Variants in JCAD observed in about 807,000 individuals in gnomAD.
JCAD encodes junctional cadherin 5 associated.
Under a neutral mutation model 98.0 loss-of-function variants are expected in JCAD, and 40 were observed. The ratio of observed to expected loss-of-function variants is 0.41; its 90% confidence interval spans 0.32 to 0.53. JCAD has a LOEUF of 0.53. Ranked by LOEUF, JCAD falls within the 20% of genes least tolerant of loss-of-function variation. The pLI, the probability that JCAD is intolerant of heterozygous loss-of-function variation, is 0.31. For missense variants in JCAD, 1,705 were observed against 1,738.1 expected (o/e 0.98, Z 0.34); for synonymous variants, 691 against 682.3 (o/e 1.01, Z -0.20).
rs1837651944 is a variant in JCAD, at chr10:30,059,267, C to G, written c.-60+215G>C. ...CCGGGCTGGCAGGCGCCCTCCACCC[C>G]GAGGCTGCCGGGCTAGGCACCGCGC... On this transcript the variant is annotated intron_variant, in intron 1 of 3. Transcript: ENST00000375377. This position sits in a 1 kb window ranked among gnomAD's most constrained non-coding sequence, Gnocchi z 5.0. 6.6e-6 allele frequency among the ~76,000 whole-genome samples: 1 copy of G among 151,466 alleles called. No homozygotes were observed. Among genetic ancestry groups the G allele is most frequent in the African/African-American group, 2.4e-5 (1 of 41,456 alleles).
At chr10:30,109,860 G>A (rs543319696) in intron 1 of JCAD, among the ~76,000 whole-genome samples, 1 of 150,296 alleles carries the variant, frequency 6.7e-6, no homozygotes, top group Non-Finnish European at 1.5e-5. Context: ...GGACCCCCTG[G>A]TTTATGAACT....
At chr10:30,094,513 T>G (rs1354430060) in intron 1 of JCAD, among the ~76,000 whole-genome samples, 1 of 152,078 alleles carries the variant, frequency 6.6e-6, no homozygotes, top group Non-Finnish European at 1.5e-5. Flanking sequence ...AGGGCTGTTA[T>G]GAAATATGGG....
chr10:30,078,739 T>G (rs1838023559), intron 1 of JCAD, among the ~76,000 whole-genome samples: 3 of 152,220 alleles, frequency 2.0e-5, no homozygotes, highest in Admixed American at 2.0e-4. Context: ...TTTTTAGAAG[T>G]AGATGTATCT....
At chr10:30,056,122 T>C (rs1837566247) in intron 1 of JCAD, among the ~76,000 whole-genome samples, 1 of 152,204 alleles carries the variant, frequency 6.6e-6, no homozygotes, top group Admixed American at 6.5e-5. Flanking sequence ...TTTTGGAATT[T>C]TTGGCTATTT....
intron 1 of JCAD, among the ~76,000 whole-genome samples, chr10:30,058,846 C>A (rs1029118770): frequency 6.6e-6 from 1 of 152,198 alleles, no homozygotes; most frequent in African/African-American, 2.4e-5. Flanking sequence ...CCGGGCGGCC[C>A]CGGGCACTCG....
chr10:30,073,931 T>C (rs1216354730), intron 1 of JCAD, among the ~76,000 whole-genome samples: 5 of 152,160 alleles, frequency 3.3e-5, no homozygotes, highest in Non-Finnish European at 7.3e-5. Context: ...GACTGCGAGA[T>C]AACACTTTAA....
chr10:30,043,910 T>C (rs1160736104), intron 2 of JCAD, among the ~76,000 whole-genome samples: 1 of 152,244 alleles, frequency 6.6e-6, no homozygotes, highest in Non-Finnish European at 1.5e-5. Flanking sequence ...TTGTGTTGGC[T>C]ATGGTTTAAA....
At chr10:30,055,833 AG>A (rs1282317073) in intron 1 of JCAD, among the ~76,000 whole-genome samples, 1 of 152,230 alleles carries the variant, frequency 6.6e-6, no homozygotes, top group Non-Finnish European at 1.5e-5. Flanking sequence ...AAAAAGAGAA[AG>A]AAAAAGAAAA....
upstream of JCAD, among the ~76,000 whole-genome samples, chr10:30,060,963 C>G (rs952778677): frequency 6.6e-6 from 1 of 152,090 alleles, no homozygotes; most frequent in Admixed American, 6.6e-5. Flanking sequence ...TGGAAAAGAA[C>G]GAACAATGTA....
Position 30,029,306 on chromosome 10 carries a change from G to A in JCAD, c.842C>T (p.Ser281Leu), listed in dbSNP as rs1454020744. ...STRNSEKSGC[S>L]APFPRPKFGR... ...AAACTTAGGCCGGGGAAATGGGGCTGAGCAGCCACTCTTCTCAGAATTCCT... is the reference window on the plus strand; with the variant it reads ...AAACTTAGGCCGGGGAAATGGGGCTAAGCAGCCACTCTTCTCAGAATTCCT... The change falls in exon 3 of 4, where the codon TCA becomes TTA. Residue 281 changes from serine (S) to leucine (L), a missense_variant. Ser to Leu is a moderately radical substitution (Grantham distance 145). Transcript: ENST00000375377. 1 of 1,614,180 alleles carries A rather than the reference G, an allele frequency of 6.2e-7. No individual in the cohort carries two copies. The highest frequency in any genetic ancestry group is 1.7e-5 in the Admixed American group (1 of 60,022).
intron 2 of JCAD, among the ~76,000 whole-genome samples, chr10:30,034,091 C>T (rs1056619110): frequency 1.4e-4 from 21 of 151,544 alleles, no homozygotes; most frequent in South Asian, 8.4e-4. Context: ...GGTGTGGTGG[C>T]GGGCATCTGT....
intron 1 of JCAD, among the ~76,000 whole-genome samples, chr10:30,105,947 G>A (rs1838571044): frequency 6.6e-6 from 1 of 152,182 alleles, no homozygotes; most frequent in African/African-American, 2.4e-5. Flanking sequence ...CAGCATTAAT[G>A]TAACTCTGCT....
chr10:30,115,244 C>T (rs1319995404), intron 1 of JCAD: 1 of 152,198 alleles, frequency 6.6e-6, no homozygotes, highest in Non-Finnish European at 1.5e-5. Flanking sequence ...TTCAGAGAAA[C>T]TGTCACAAGC....
At chr10:30,064,357 G>T (rs1837749685), upstream of JCAD, among the ~76,000 whole-genome samples, 1 of 152,088 alleles carries the variant, frequency 6.6e-6, no homozygotes, top group African/African-American at 2.4e-5. Flanking sequence ...GCTCTTACCT[G>T]ATGCAGCCGC....
At chr10:30,109,993 T>C (rs1425227272) in intron 1 of JCAD, among the ~76,000 whole-genome samples, 2 of 152,124 alleles carry the variant, frequency 1.3e-5, no homozygotes, top group East Asian at 1.9e-4. Flanking sequence ...AGCTGATATA[T>C]GGACCCCTGA....
At chr10:30,058,444 A>G (rs2132656456) in intron 1 of JCAD, among the ~76,000 whole-genome samples, 1 of 152,258 alleles carries the variant, frequency 6.6e-6, no homozygotes, top group Middle Eastern at 3.4e-3. Flanking sequence ...TCTACTCCTT[A>G]AGCGCGTGGA....
chr10:30,112,871 C>CAA (rs57740787), intron 1 of JCAD, among the ~76,000 whole-genome samples: 1,149 of 98,970 alleles, frequency 0.012, 17 homozygotes, highest in African/African-American at 0.034. Flanking sequence ...GACTCCATCT[C>CAA]AAAAAAAAAA....
intron 1 of JCAD, among the ~76,000 whole-genome samples, chr10:30,092,675 T>A (rs186240543): frequency 6.6e-6 from 1 of 152,294 alleles, no homozygotes; most frequent in East Asian, 1.9e-4. Context: ...GCACGTTGGA[T>A]GCTTGGCATT....
rs762485085 is a variant in JCAD at position 30,027,747 on chromosome 10, C to T, written c.2401G>A (p.Val801Met). 1.9e-6 allele frequency: 3 copies of T among 1,614,250 alleles called. No homozygotes were observed. The highest frequency in any genetic ancestry group is 2.2e-5 in the East Asian group (1 of 44,876). Residue 801 changes from valine (V) to methionine (M), a missense_variant, in exon 3 of 4, where the codon GTG becomes ATG. By Grantham distance (21) the Val-to-Met change is conservative. Coordinates refer to ENST00000375377, the MANE Select transcript of JCAD (RefSeq NM_020848.4). The stretch of plus-strand genomic sequence containing the variant: ...GGGCCCGTGGGCTCCCCCTTCACCA[C>T]CTCCCGCTTAGGCCCAGGGTGGGCT... ...LGAHPGPKRE[V>M]VKGEPTGPCN...
Sources: allele counts gnomAD v4.1 joint callset (sites outside exome capture counted in the v4.1 genomes callset), GRCh38; gene constraint gnomAD v4.1.1; non-coding constraint Gnocchi (gnomAD v3.1); transcripts MANE v1.5; gene names NCBI Gene and HGNC (gene_info 2026-07-23, HGNC 2026-07-21).